MYH7B: variants seen among roughly 807,000 people sequenced by gnomAD.
MYH7B encodes myosin-7B.
Under a neutral mutation model 234.5 loss-of-function variants are expected in MYH7B, and 205 were observed. That is an observed-to-expected ratio of 0.87 (90% confidence interval 0.78 to 0.98). MYH7B has a LOEUF of 0.98. Among genes scored for constraint, MYH7B ranks in the 50% least tolerant of loss-of-function variants. MYH7B has a pLI of 0.00. For missense variants in MYH7B, 2,652 were observed against 2,633.4 expected, an observed-to-expected ratio of 1.01 and a Z score of -0.15; for synonymous variants, 1,193 against 1,105.0, an observed-to-expected ratio of 1.08 and a Z score of -1.58.
exon 32 of MYH7B, chr20:34,997,522 T>G: frequency 6.2e-7 from 1 of 1,605,166 alleles, no homozygotes; most frequent in Non-Finnish European, 8.5e-7. Flanking sequence ...GCGGCGGAGC[T>G]GGGGGAGCAG....
exon 7 of MYH7B, chr20:34,979,720 G>A (rs746336422): frequency 1.2e-6 from 2 of 1,614,218 alleles, no homozygotes; most frequent in East Asian, 4.5e-5. Context: ...TCGACTTACT[G>A]GAGGACATGG....
At position 34,986,029 on chromosome 20, in the gene MYH7B, C is replaced by T. The variant is rs533560457; in HGVS notation, c.806-71C>T. On this transcript the variant is annotated intron_variant, in intron 13 of 44. Transcript: ENST00000262873. ...CACTCCCTGCCCACCTCTCTCCCTC[C>T]GCATCGCCCCCTTGGGATGTCCACT... 108 of 1,334,648 alleles carry T rather than the reference C, an allele frequency of 8.1e-5. 1 individual carries two copies. Among genetic ancestry groups the T allele is most frequent in the South Asian group, 4.3e-4 (34 of 79,654 alleles). The allele number at this position is 1,334,648 out of a possible 1,614,324, so 82.7% of individuals were successfully genotyped here.
At chr20:34,982,433 G>T in intron 9 of MYH7B, 26 bp from the exon 10 acceptor site, 2 of 1,608,780 alleles carry the variant, frequency 1.2e-6, no homozygotes, top group Non-Finnish European at 1.7e-6. Flanking sequence ...GATGGGCATT[G>T]GTGACTCATG....
exon 28 of MYH7B, chr20:34,995,367 G>A (rs750778273): frequency 6.2e-6 from 10 of 1,613,666 alleles, no homozygotes; most frequent in East Asian, 2.2e-5. Flanking sequence ...GCCGAGGAGC[G>A]CTGCCACTTG....
chr20:34,981,358 A>G (rs2081938639), intron 9 of MYH7B: 1 of 369,450 alleles, frequency 2.7e-6, no homozygotes, highest in South Asian at 4.3e-5. Flanking sequence ...CTGGGGTTCT[A>G]ATTCTGGCTC....
rs1361991507 is a variant in MYH7B at position 34,989,931 on chromosome 20, C to T, written c.1767+12C>T. 1 of 1,613,324 alleles carries T rather than the reference C, an allele frequency of 6.2e-7. No homozygotes were observed. The highest frequency in any genetic ancestry group is 1.7e-5 in the Admixed American group (1 of 59,990). ...ACTACGCAGGCGTGGTAGGTGCTTG[C>T]TGGAACCCCAGCCCTCGGCCAGGCT... On this transcript the variant is annotated intron_variant, in intron 20 of 44. Transcript: ENST00000262873.
intron 10 of MYH7B, among the ~76,000 whole-genome samples, chr20:34,983,583 G>C (rs1210668617): frequency 6.6e-6 from 1 of 152,138 alleles, no homozygotes; most frequent in African/African-American, 2.4e-5. Flanking sequence ...AGCTGGGACA[G>C]TGGAGCCCAG....
chr20:34,981,280 C>T (rs752551301), intron 9 of MYH7B: 2 of 528,158 alleles, frequency 3.8e-6, no homozygotes, highest in Non-Finnish European at 6.5e-6. Flanking sequence ...AGGGGACACC[C>T]ACAAACGGAG....
chr20:34,982,596 G>A (rs369983300), intron 10 of MYH7B, 41 bp downstream of exon 10: 743 of 1,446,698 alleles, frequency 5.1e-4, no homozygotes, highest in Non-Finnish European at 6.4e-4. Flanking sequence ...GTTGCTTCTC[G>A]CTGTTTTTCT....
intron 2 of MYH7B, among the ~76,000 whole-genome samples, chr20:34,972,521 T>C (rs2081802623): frequency 6.6e-6 from 1 of 152,084 alleles, no homozygotes; most frequent in African/African-American, 2.4e-5. Context: ...CAATCTTTAA[T>C]TACCTTAAAA....
intron 13 of MYH7B, 83 bp from the exon 14 acceptor site, chr20:34,986,017 C>T (rs2082015347): frequency 3.3e-6 from 4 of 1,223,162 alleles, no homozygotes; most frequent in East Asian, 2.5e-5. Flanking sequence ...TCCCTGCCCA[C>T]CTCTCTCCCT....
chr20:34,990,521 T>C, intron 22 of MYH7B: 1 of 840,708 alleles, frequency 1.2e-6, no homozygotes, highest in Non-Finnish European at 2.1e-6. Flanking sequence ...GTGGGAGCCC[T>C]GGGGCTCTGG....
chr20:34,957,421 G>A (rs2081650197), intron 1 of MYH7B, among the ~76,000 whole-genome samples: 2 of 151,980 alleles, frequency 1.3e-5, no homozygotes, highest in Non-Finnish European at 2.9e-5. Context: ...AGAAATTTAG[G>A]AGTGAGAACT....
At chr20:35,001,702 C>G in intron 43 of MYH7B, 176 bp downstream of exon 43, 1 of 790,610 alleles carries the variant, frequency 1.3e-6, no homozygotes, top group Non-Finnish European at 2.0e-6. Context: ...ATGGAACAGA[C>G]CCCATGTGCT....
At chr20:34,970,461 C>T (rs1252196434) in intron 2 of MYH7B, among the ~76,000 whole-genome samples, 1 of 152,170 alleles carries the variant, frequency 6.6e-6, no homozygotes, top group Non-Finnish European at 1.5e-5. Flanking sequence ...CAGATGGGAA[C>T]ATAGGGGCCC....
intron 10 of MYH7B, among the ~76,000 whole-genome samples, chr20:34,982,905 C>G (rs1357274598): frequency 1.3e-5 from 2 of 152,224 alleles, no homozygotes; most frequent in South Asian, 4.1e-4. Context: ...CTTGGTTTCC[C>G]TGACAGTTAC....
At chr20:34,980,077 T>G (rs1401380446) in intron 7 of MYH7B, 2 of 501,546 alleles carry the variant, frequency 4.0e-6, no homozygotes, top group Non-Finnish European at 7.3e-6. Context: ...CTGCGGACTA[T>G]GGAGGCCGTG....
At chr20:34,988,672 T>C (rs535802900) in intron 19 of MYH7B, among the ~76,000 whole-genome samples, 2 of 152,320 alleles carry the variant, frequency 1.3e-5, no homozygotes, top group Admixed American at 1.3e-4. Flanking sequence ...TGGAACATTA[T>C]GTATATTTAC....
exon 18 of MYH7B, chr20:34,987,876 A>G (rs1569044591): frequency 7.4e-6 from 12 of 1,611,236 alleles, no homozygotes; most frequent in Non-Finnish European, 8.5e-6. Flanking sequence ...GCAGTTCTTC[A>G]TCGGGGTTCT....
Sources: allele counts gnomAD v4.1 joint callset (sites outside exome capture counted in the v4.1 genomes callset), GRCh38; gene constraint gnomAD v4.1.1; transcripts MANE v1.5; gene names NCBI Gene and HGNC (gene_info 2026-07-23, HGNC 2026-07-21).